The following APBB1IP variants were observed in gnomAD, a reference collection of about 807,000 sequenced individuals.
The protein encoded by APBB1IP is amyloid beta precursor protein binding family B member 1 interacting protein.
APBB1IP carries 27 observed loss-of-function variants against 64.9 expected under a neutral mutation model. The ratio of observed to expected loss-of-function variants is 0.42; its 90% CI spans 0.31 to 0.57. APBB1IP has a LOEUF of 0.57. Ranked by LOEUF, APBB1IP falls within the 20% of genes least tolerant of loss-of-function variation. APBB1IP has a pLI of 0.20. For synonymous variants in APBB1IP, 392 were observed against 331.0 expected (o/e 1.18, Z -2.00); for missense variants, 812 against 845.5 (o/e 0.96, Z 0.49).
At chr10:26,513,732 A>AAAG in intron 8 of APBB1IP, 72 bp downstream of exon 8, 1 of 1,499,570 alleles carries the variant, frequency 6.7e-7, no homozygotes, top group Non-Finnish European at 8.9e-7. Flanking sequence ...ACGGAGTCTC[A>AAAG]AAGGCTGGAG....
intron 8 of APBB1IP, among the ~76,000 whole-genome samples, chr10:26,527,839 T>G (rs911007645): frequency 6.6e-6 from 1 of 151,968 alleles, no homozygotes; most frequent in Non-Finnish European, 1.5e-5. Context: ...ATTACAGGCA[T>G]GTGCCACCAG....
At chr10:26,560,600 A>C in intron 12 of APBB1IP, 130 bp from the exon 13 acceptor site, 1 of 609,928 alleles carries the variant, frequency 1.6e-6, no homozygotes, top group South Asian at 3.2e-5. Flanking sequence ...TATCCAAAAA[A>C]CCAACTCAGA....
At chr10:26,486,734 T>C in intron 2 of APBB1IP, among the ~76,000 whole-genome samples, 1 of 152,206 alleles carries the variant, frequency 6.6e-6, no homozygotes, top group East Asian at 1.9e-4. Context: ...ACATATGTCC[T>C]GTAAACCATA....
chr10:26,496,590 A>C (rs367870337), intron 4 of APBB1IP, among the ~76,000 whole-genome samples, 199 bp downstream of exon 4: 144 of 152,232 alleles, frequency 9.5e-4, no homozygotes, highest in Non-Finnish European at 1.7e-3. Context: ...ACCAATAATG[A>C]AAGGGAACAC....
chr10:26,547,694 C>T (rs1393351384), intron 11 of APBB1IP, among the ~76,000 whole-genome samples: 1 of 152,138 alleles, frequency 6.6e-6, no homozygotes, highest in Non-Finnish European at 1.5e-5. Flanking sequence ...ATTCGCCTAC[C>T]TCGGCCTCTC....
intron 2 of APBB1IP, among the ~76,000 whole-genome samples, chr10:26,483,952 G>T (rs1484328619): frequency 6.6e-6 from 1 of 152,002 alleles, no homozygotes; most frequent in Non-Finnish European, 1.5e-5. Flanking sequence ...CATTCTCAGT[G>T]CTCTGAAATT....
chr10:26,449,230 C>A (rs1564347600), intron 2 of APBB1IP, among the ~76,000 whole-genome samples: 5 of 152,178 alleles, frequency 3.3e-5, no homozygotes. Context: ...TTAACTCAGT[C>A]TCCAGGTGCA....
At chr10:26,448,873 T>A (rs994529691) in intron 2 of APBB1IP, among the ~76,000 whole-genome samples, 1 of 152,230 alleles carries the variant, frequency 6.6e-6, no homozygotes, top group Non-Finnish European at 1.5e-5. Context: ...CAAAATGTGA[T>A]CTGTTGCCCT....
intron 2 of APBB1IP, among the ~76,000 whole-genome samples, chr10:26,455,237 G>A (rs968669898): frequency 1.3e-5 from 2 of 152,118 alleles, no homozygotes; most frequent in South Asian, 2.1e-4. Flanking sequence ...CATTAAGAAG[G>A]AAAAAGTCAG....
At chr10:26,443,565 T>C (rs1214975546) in intron 2 of APBB1IP, among the ~76,000 whole-genome samples, 1 of 152,190 alleles carries the variant, frequency 6.6e-6, no homozygotes, top group Non-Finnish European at 1.5e-5. Context: ...CATTCATTTT[T>C]GAGACAGGGT....
intron 2 of APBB1IP, among the ~76,000 whole-genome samples, chr10:26,445,717 C>A (rs960453536): frequency 1.3e-5 from 2 of 152,146 alleles, no homozygotes; most frequent in African/African-American, 4.8e-5. Flanking sequence ...AAATCCAAAC[C>A]AGATTTGGAA....
chr10:26,543,692 C>T (rs1430888405), intron 11 of APBB1IP, among the ~76,000 whole-genome samples: 1 of 152,016 alleles, frequency 6.6e-6, no homozygotes, highest in East Asian at 1.9e-4. Context: ...AATGTGATGT[C>T]AAGTAGTAAC....
chr10:26,450,030 G>A (rs1349988784), intron 2 of APBB1IP, among the ~76,000 whole-genome samples: 2 of 151,932 alleles, frequency 1.3e-5, no homozygotes, highest in Non-Finnish European at 2.9e-5. Context: ...TTGAGTATCA[G>A]CAACATCCTG....
At chr10:26,511,712 G>A in intron 6 of APBB1IP, 35 bp from the exon 7 acceptor site, 1 of 1,606,702 alleles carries the variant, frequency 6.2e-7, no homozygotes. Context: ...TCCAGTTGCT[G>A]AAATTTACTG....
chr10:26,537,313 T>C (rs1405159527), intron 10 of APBB1IP, among the ~76,000 whole-genome samples: 1 of 152,036 alleles, frequency 6.6e-6, no homozygotes, highest in African/African-American at 2.4e-5. Flanking sequence ...AACCCACACT[T>C]CCAAGCCGAT....
At chr10:26,450,285 T>C (rs565397142) in intron 2 of APBB1IP, among the ~76,000 whole-genome samples, 1 of 152,300 alleles carries the variant, frequency 6.6e-6, no homozygotes, top group Admixed American at 6.5e-5. Flanking sequence ...AAATCAAATA[T>C]CTTGTTTCAA....
Position 26,567,627 on chromosome 10 carries a change from G to T in APBB1IP, c.*139G>T. 1 of 1,424,468 alleles carries T rather than the reference G, an allele frequency of 7.0e-7. No homozygotes were observed. The highest frequency in any genetic ancestry group is 9.3e-7 in the Non-Finnish European group (1 of 1,072,428). The allele number at this position is 1,424,468 out of a possible 1,614,324, so 88.2% of individuals were successfully genotyped here. ...TTCTCACTGATGTGCTCAAGTACAG[G>T]CATAACCATTAACCCAGTAGAGTTC... On this transcript the variant is annotated 3_prime_UTR_variant, in exon 15 of 15. Coordinates refer to ENST00000376236, the MANE Select transcript of APBB1IP (RefSeq NM_019043.4).
At chr10:26,441,236 T>A (rs1012468959) in intron 2 of APBB1IP, among the ~76,000 whole-genome samples, 1 of 152,240 alleles carries the variant, frequency 6.6e-6, no homozygotes, top group Admixed American at 6.5e-5. Flanking sequence ...AAATGCCAGA[T>A]TTTAAAGTGT....
In APBB1IP at chr10:26,536,059, G is replaced by C. The variant is rs775943593; in HGVS notation, c.901-15G>C. ...CTTTCGTGTGTGTCTTATGTCGTCG[G>C]AATCTCACTTTCAGGAAAGTTTCTG... is the stretch of plus-strand genomic sequence containing the variant. On this transcript the variant is annotated splice_polypyrimidine_tract_variant and intron_variant, in intron 9 of 14. Coordinates refer to ENST00000376236, the MANE Select transcript of APBB1IP (RefSeq NM_019043.4). 1 of 1,576,706 alleles carries C rather than the reference G, an allele frequency of 6.3e-7. No individual in the cohort carries two copies. The highest frequency in any genetic ancestry group is 1.4e-5 in the African/African-American group (1 of 72,662).
Sources: allele counts gnomAD v4.1 joint callset (sites outside exome capture counted in the v4.1 genomes callset), GRCh38; gene constraint gnomAD v4.1.1; transcripts MANE v1.5; gene names NCBI Gene and HGNC (gene_info 2026-07-23, HGNC 2026-07-21).